TRMT11: variants seen among roughly 807,000 people sequenced by gnomAD.
TRMT11 encodes the protein tRNA (guanine(10)-N(2))-methyltransferase TRMT11.
In TRMT11, 53 loss-of-function variants were observed where a neutral mutation model predicts 62.8. The observed-to-expected ratio is 0.84, with a 90% CI of 0.68 to 1.06. TRMT11 has a LOEUF of 1.06. Among genes scored for constraint, TRMT11 ranks in the 50% least tolerant of loss-of-function variants. The pLI is 0.00. For synonymous variants in TRMT11, 188 were observed against 190.3 expected, an observed-to-expected ratio of 0.99 and a Z score of 0.10; for missense variants, 556 against 553.4, an observed-to-expected ratio of 1.00 and a Z score of -0.05.
At chr6:126,110,640 G>A (rs1777520534) in intron 17 of TRMT11, among the ~76,000 whole-genome samples, 1 of 152,102 alleles carries the variant, frequency 6.6e-6, no homozygotes, top group South Asian at 2.1e-4. Flanking sequence ...GAATGGAAAT[G>A]CTTCCTATGG....
chr6:126,268,845 A>C, the TRMT11 span, among the ~76,000 whole-genome samples: 3 of 152,318 alleles, frequency 2.0e-5, no homozygotes, highest in African/African-American at 7.2e-5. Context: ...TTTCTAAACC[A>C]AACACAAATT....
In TRMT11 at chr6:126,050,358, A is replaced by G. The variant is rs114949338; in HGVS notation, c.*1370-2765A>G. 5.1e-3 allele frequency among the ~76,000 whole-genome samples: 775 copies of G among 151,262 alleles called. 4 individuals carry two copies. Among genetic ancestry groups the G allele is most frequent in the African/African-American group, 0.018 (729 of 41,230 alleles). On this transcript the variant is annotated intron_variant and NMD_transcript_variant, in intron 16 of 22. Coordinates refer to the TRMT11 transcript ENST00000648977. ...AAAAAAAAAAAAAAAAATAGACAAT[A>G]GAAAGTTGTCATGGGACTAAAGATT...
chr6:126,053,136 T>C (rs1260903947), exon 17 of TRMT11, among the ~76,000 whole-genome samples: 2 of 152,026 alleles, frequency 1.3e-5, no homozygotes, highest in African/African-American at 4.8e-5. Context: ...TTAGACATAG[T>C]CCTATCCTCA....
intron 21 of TRMT11, among the ~76,000 whole-genome samples, chr6:126,143,947 GACA>G (rs1777946951): frequency 1.3e-5 from 2 of 152,166 alleles, no homozygotes; most frequent in Non-Finnish European, 2.9e-5. Context: ...AGAAAGTGAG[GACA>G]ACAATTTACC....
At chr6:126,250,050 C>T in the TRMT11 span, among the ~76,000 whole-genome samples, 3 of 152,174 alleles carry the variant, frequency 2.0e-5, no homozygotes, top group African/African-American at 7.2e-5. Context: ...TTACACTCTT[C>T]GTTAAACAAT....
At chr6:126,036,151 GT>G (rs564421875) in intron 12 of TRMT11, among the ~76,000 whole-genome samples, 172 of 152,220 alleles carry the variant, frequency 1.1e-3, no homozygotes, top group Admixed American at 2.8e-3. Context: ...GAGGAGAATA[GT>G]GGACATGAGG....
chr6:126,156,398 C>A (rs143532877), intron 21 of TRMT11, among the ~76,000 whole-genome samples: 123 of 152,330 alleles, frequency 8.1e-4, no homozygotes, highest in African/African-American at 2.8e-3. Context: ...CAGGCTTCTG[C>A]CTCAGCTCCC....
At chr6:126,099,990 A>G (rs1777381175) in intron 17 of TRMT11, among the ~76,000 whole-genome samples, 6 of 152,166 alleles carry the variant, frequency 3.9e-5, no homozygotes, top group Non-Finnish European at 8.8e-5. Context: ...AGGTCTCAGC[A>G]GCCTGGGTGG....
the TRMT11 span, among the ~76,000 whole-genome samples, chr6:126,250,528 G>T: frequency 6.6e-6 from 1 of 152,130 alleles, no homozygotes; most frequent in African/African-American, 2.4e-5. Context: ...GGTTTTCCAA[G>T]AAAAGATAAT....
intron 12 of TRMT11, among the ~76,000 whole-genome samples, chr6:126,036,850 G>A (rs776514703): frequency 1.4e-4 from 21 of 152,044 alleles, no homozygotes; most frequent in East Asian, 1.9e-4. Context: ...CTGTGTTGCC[G>A]TTATCCTGGC....
intron 21 of TRMT11, among the ~76,000 whole-genome samples, chr6:126,151,287 G>A (rs1273864755): frequency 6.6e-6 from 1 of 152,106 alleles, no homozygotes; most frequent in Non-Finnish European, 1.5e-5. Flanking sequence ...TAATTTATGA[G>A]CTCTCAGTTA....
intron 17 of TRMT11, among the ~76,000 whole-genome samples, chr6:126,069,490 T>C (rs1218221513): frequency 6.6e-6 from 1 of 152,262 alleles, no homozygotes; most frequent in Non-Finnish European, 1.5e-5. Flanking sequence ...TATTATTATT[T>C]TTTAATGAAG....
At position 125,998,248 on chromosome 6, in the gene TRMT11, C is replaced by T. The variant is rs958060435; in HGVS notation, c.320C>T (p.Thr107Ile). 1 of 1,600,098 alleles carries T rather than the reference C, an allele frequency of 6.2e-7. No individual in the cohort carries two copies. Among genetic ancestry groups the T allele is most frequent in the Non-Finnish European group, 8.6e-7 (1 of 1,168,060 alleles). Residue 107 changes from threonine (T) to isoleucine (I), a missense_variant, in exon 5 of 13, where the codon ACA (threonine) becomes ATA (isoleucine). By Grantham distance (89) the Thr-to-Ile change is moderately conservative. Transcript: ENST00000334379. ...KMVPFLHSDS[T>I]YKIKIHTFNK... ...GTTCCATTTCTACATTCGGACTCTA[C>T]ATATAAAATAAAGATTCACACTTTT... is the stretch of plus-strand genomic sequence containing the variant.
chr6:126,159,463 C>A (rs1245863388), intron 21 of TRMT11, among the ~76,000 whole-genome samples: 2 of 152,188 alleles, frequency 1.3e-5, no homozygotes, highest in East Asian at 3.8e-4. Flanking sequence ...TTTGCTGGTA[C>A]CTTCCCTAGA....
chr6:126,229,887 AT>A, the TRMT11 span, among the ~76,000 whole-genome samples: 3 of 152,066 alleles, frequency 2.0e-5, no homozygotes, highest in South Asian at 4.2e-4. Context: ...TTTTTAAGTA[AT>A]TTTTATACCA....
At chr6:126,043,169 C>CTAATTAGCTAATTTAGCTA (rs1361085191), downstream of TRMT11, among the ~76,000 whole-genome samples, 6 of 148,810 alleles carry the variant, frequency 4.0e-5, no homozygotes, top group African/African-American at 1.2e-4. Context: ...CATCATTTAG[C>CTAATTAGCTAATTTAGCTA]ATTAGGTATA....
At chr6:126,255,076 A>G in the TRMT11 span, among the ~76,000 whole-genome samples, 1 of 152,164 alleles carries the variant, frequency 6.6e-6, no homozygotes, top group African/African-American at 2.4e-5. Context: ...TTCTTTGTAT[A>G]TAACCTTAAT....
chr6:126,088,645 T>C (rs931414822), intron 17 of TRMT11, among the ~76,000 whole-genome samples: 4 of 152,338 alleles, frequency 2.6e-5, no homozygotes, highest in Admixed American at 6.5e-5. Flanking sequence ...TATGAACTTT[T>C]AGGCTTCTCA....
intron 11 of TRMT11, among the ~76,000 whole-genome samples, chr6:126,020,697 A>C (rs1795690850): frequency 6.6e-6 from 1 of 152,272 alleles, no homozygotes; most frequent in African/African-American, 2.4e-5. Flanking sequence ...AAATTTTAAC[A>C]AGACGTTATT....
Sources: gnomAD v4.1 joint callset for allele counts (sites outside exome capture counted in the v4.1 genomes callset) on GRCh38, gnomAD v4.1.1 for gene constraint, MANE v1.5 for transcripts, NCBI Gene and HGNC (gene_info 2026-07-23, HGNC 2026-07-21) for gene names.